GRM1: variants seen among roughly 807,000 people sequenced by gnomAD.
The protein encoded by GRM1 is metabotropic glutamate receptor 1.
In GRM1, 33 loss-of-function variants were observed where a neutral mutation model predicts 90.9. The observed-to-expected ratio is 0.36, with a 90% confidence interval of 0.28 to 0.49. The LOEUF is 0.49. GRM1 is among the 20% of genes least tolerant of loss of function. GRM1 has a pLI of 0.99. For missense variants in GRM1, 1,190 were observed against 1,534.3 expected (o/e 0.78, Z 3.75); for synonymous variants, 700 against 613.2 (o/e 1.14, Z -2.09).
intron 3 of GRM1, among the ~76,000 whole-genome samples, chr6:146,318,835 T>A (rs1031022845): frequency 6.6e-6 from 1 of 152,208 alleles, no homozygotes; most frequent in Non-Finnish European, 1.5e-5. Context: ...TTTCACCCAC[T>A]TTTTGATGGG....
intron 1 of GRM1, among the ~76,000 whole-genome samples, chr6:146,106,869 T>C (rs1775324294): frequency 6.6e-6 from 1 of 152,250 alleles, no homozygotes; most frequent in Non-Finnish European, 1.5e-5. Context: ...CTATTTAGCA[T>C]GACGATATGC....
At chr6:146,141,926 T>C (rs1213158667) in intron 1 of GRM1, among the ~76,000 whole-genome samples, 2 of 152,206 alleles carry the variant, frequency 1.3e-5, no homozygotes, top group Non-Finnish European at 2.9e-5. Context: ...TATGTTTTCC[T>C]GGATAGTCTT....
At chr6:146,249,544 T>A (rs930966553) in intron 2 of GRM1, among the ~76,000 whole-genome samples, 1 of 152,076 alleles carries the variant, frequency 6.6e-6, no homozygotes, top group Admixed American at 6.6e-5. Context: ...TGAATTGTGG[T>A]TTGGGAACTT....
At chr6:146,414,647 C>T (rs903087406) in intron 7 of GRM1, among the ~76,000 whole-genome samples, 4 of 152,194 alleles carry the variant, frequency 2.6e-5, no homozygotes, top group Non-Finnish European at 5.9e-5. Flanking sequence ...TGTGATCCGC[C>T]CGCCTCGGCC....
intron 2 of GRM1, among the ~76,000 whole-genome samples, chr6:146,286,387 CTT>C (rs1782767944): frequency 6.6e-6 from 1 of 152,064 alleles, no homozygotes; most frequent in Non-Finnish European, 1.5e-5. Flanking sequence ...TAGCATGTGA[CTT>C]TAAAAAACCT....
intron 3 of GRM1, among the ~76,000 whole-genome samples, chr6:146,314,071 TTTTTTTTTTTTTG>T (rs1783873559): frequency 9.2e-6 from 1 of 108,968 alleles, no homozygotes; most frequent in Non-Finnish European, 2.0e-5. Flanking sequence ...TTTTTTTTTT[TTTTTTTTTTTTTG>T]GAGACAGAGT....
chr6:146,435,175 A>G lies in GRM1; in HGVS notation c.*379A>G, dbSNP rs1002817037. On this transcript the variant is annotated 3_prime_UTR_variant, in exon 8 of 8. Coordinates refer to ENST00000282753, the MANE Select transcript of GRM1 (RefSeq NM_001278064.2). Reference sequence around the variant, plus strand: ...TATATATGCCCACACACACTGGGCCATGCTTGCCAAGGAACAGCCCACGTG... The same window carrying G: ...TATATATGCCCACACACACTGGGCCGTGCTTGCCAAGGAACAGCCCACGTG... 5.7e-6 allele frequency: 2 copies of G among 352,608 alleles called. No individual in the cohort carries two copies. The highest frequency in any genetic ancestry group is 4.2e-5 in the African/African-American group (2 of 47,116). The allele number at this position is 352,608 out of a possible 1,614,324, so 21.8% of individuals were successfully genotyped here. A position where few individuals can be genotyped will look rare whatever the true frequency, so the allele number is the denominator to read the frequency against.
intron 2 of GRM1, among the ~76,000 whole-genome samples, chr6:146,248,672 G>T (rs1781162751): frequency 6.6e-6 from 1 of 152,134 alleles, no homozygotes; most frequent in Admixed American, 6.6e-5. Context: ...ACAAAGAATT[G>T]GTACAAGGAG....
intron 1 of GRM1, among the ~76,000 whole-genome samples, chr6:146,033,324 AG>A (rs1490141955): frequency 2.0e-5 from 3 of 152,282 alleles, no homozygotes; most frequent in Admixed American, 6.5e-5. Context: ...AGAATATCTC[AG>A]CCAAGGACAC....
intron 2 of GRM1, among the ~76,000 whole-genome samples, chr6:146,303,898 C>T (rs10484860): frequency 0.11 from 17,494 of 152,124 alleles, 2,009 homozygotes; most frequent in African/African-American, 0.3. Context: ...TACATTACGT[C>T]TGGTAGATAG....
chr6:146,188,434 C>T (rs191187407), intron 2 of GRM1, among the ~76,000 whole-genome samples: 75 of 152,268 alleles, frequency 4.9e-4, no homozygotes, highest in Middle Eastern at 3.4e-3. Flanking sequence ...TTCTCTATTG[C>T]TACCTCAGTT....
intron 5 of GRM1, among the ~76,000 whole-genome samples, chr6:146,369,951 GTCTA>G (rs1323844639): frequency 6.6e-6 from 1 of 152,030 alleles, no homozygotes; most frequent in Non-Finnish European, 1.5e-5. Flanking sequence ...CCGTATAGCA[GTCTA>G]TCTGTCTCTT....
chr6:146,233,299 C>T (rs1780509942), intron 2 of GRM1, among the ~76,000 whole-genome samples: 1 of 152,108 alleles, frequency 6.6e-6, no homozygotes, highest in Non-Finnish European at 1.5e-5. Context: ...CTAGGTTCAA[C>T]TTATACTGGC....
chr6:146,175,752 A>T lies in GRM1; in HGVS notation c.950+16155A>T, dbSNP rs1778317258. Among the ~76,000 whole-genome samples the T allele has an allele frequency of 2.6e-5, 4 of 152,112 alleles. No homozygotes were observed. In the South Asian group the frequency reaches 8.3e-4, roughly 32 times the overall value. On this transcript the variant is annotated intron_variant, in intron 2 of 7. Transcript: ENST00000282753. ...ATGCACAATTCATATGGTAAGGAAA[A>T]AAAAAAGATGTATATGCTATACCTT...
chr6:146,387,403 T>C (rs556498539), intron 6 of GRM1, among the ~76,000 whole-genome samples: 16 of 152,142 alleles, frequency 1.1e-4, no homozygotes, highest in African/African-American at 3.4e-4. Flanking sequence ...CCAGCTTTTA[T>C]TTTGTATAAA....
At chr6:146,098,098 A>G (rs906213068) in intron 1 of GRM1, among the ~76,000 whole-genome samples, 1 of 152,170 alleles carries the variant, frequency 6.6e-6, no homozygotes, top group Admixed American at 6.6e-5. Flanking sequence ...TCATTCTTCA[A>G]TGAAACGGAA....
At chr6:146,210,946 C>T (rs1161503494) in intron 2 of GRM1, among the ~76,000 whole-genome samples, 4 of 151,958 alleles carry the variant, frequency 2.6e-5, no homozygotes, top group Admixed American at 2.0e-4. Context: ...GTAAGTTAAG[C>T]ATATGGGTAA....
intron 1 of GRM1, among the ~76,000 whole-genome samples, chr6:146,059,616 G>A (rs995165838): frequency 3.3e-5 from 5 of 152,042 alleles, no homozygotes; most frequent in African/African-American, 1.2e-4. Flanking sequence ...AGCTAGCATC[G>A]ACTTCTCCTT....
chr6:146,159,972 C>G (rs1034833229), intron 2 of GRM1: 5 of 142,280 alleles, frequency 3.5e-5, no homozygotes, highest in Admixed American at 1.3e-4. Flanking sequence ...CAGCATATAA[C>G]AAGATACTGA....
Sources: allele counts gnomAD v4.1 joint callset (sites outside exome capture counted in the v4.1 genomes callset), GRCh38; gene constraint gnomAD v4.1.1; transcripts MANE v1.5; gene names NCBI Gene and HGNC (gene_info 2026-07-23, HGNC 2026-07-21).